CNKSR2: variants seen among roughly 807,000 people sequenced by gnomAD.
The protein encoded by CNKSR2 is CNK homolog protein 2.
Under a neutral mutation model 84.4 loss-of-function variants are expected in CNKSR2, and 14 were observed. The ratio of observed to expected loss-of-function variants is 0.17; its 90% confidence interval spans 0.11 to 0.26. The LOEUF (loss-of-function observed/expected upper bound fraction) is 0.26, where lower values mean the gene tolerates loss of function less well. Ranked by LOEUF, CNKSR2 falls within the 10% of genes least tolerant of loss-of-function variation. The pLI is 1.00. For missense variants in CNKSR2, 485 were observed against 771.2 expected (o/e 0.63, Z 4.40); for synonymous variants, 275 against 277.9 (o/e 0.99, Z 0.10).
chrX:21,608,989 C>A (rs1263419619), intron 19 of CNKSR2, 82 bp from the exon 20 acceptor site: 1 of 1,120,957 alleles, frequency 8.9e-7, no homozygotes. Context: ...TTAAATATTA[C>A]CTGGTAGAAA....
At chrX:21,456,927 T>A (rs770768162) in intron 4 of CNKSR2, among the ~76,000 whole-genome samples, 177 of 111,802 alleles carry the variant, frequency 1.6e-3, no homozygotes, top group African/African-American at 5.6e-3. Context: ...TGAGATGATA[T>A]CTCATTGTGG....
intron 10 of CNKSR2, among the ~76,000 whole-genome samples, chrX:21,528,098 A>C (rs1021523574): frequency 9.0e-6 from 1 of 111,225 alleles, no homozygotes; most frequent in African/African-American, 3.3e-5. Flanking sequence ...ATAACTTATA[A>C]GATATAGTTT....
At chrX:21,425,758 A>G (rs959747865) in intron 1 of CNKSR2, 5 of 111,637 alleles carry the variant, frequency 4.5e-5, no homozygotes, top group African/African-American at 1.3e-4. Flanking sequence ...AACCGCCTCA[A>G]TCTATAGCCT....
At chrX:21,495,498 A>C (rs1165140714) in intron 6 of CNKSR2, 4 of 109,900 alleles carry the variant, frequency 3.6e-5, no homozygotes, top group Non-Finnish European at 7.6e-5. Context: ...AAAAACTAAA[A>C]ATTGGCCAGG....
At chrX:21,608,316 G>C (rs183219490) in intron 19 of CNKSR2, among the ~76,000 whole-genome samples, 58 of 111,351 alleles carry the variant, frequency 5.2e-4, no homozygotes, top group Non-Finnish European at 9.8e-4. Context: ...CTAGAGTAAG[G>C]CTTGTGGCAG....
chrX:21,606,903 C>T, intron 19 of CNKSR2, 24 bp downstream of exon 19: 1 of 828,516 alleles, frequency 1.2e-6, no homozygotes. Context: ...AAGAACATTA[C>T]TTATCACCAG....
chrX:21,612,842 A>G (rs921329710), intron 20 of CNKSR2, among the ~76,000 whole-genome samples: 1 of 112,095 alleles, frequency 8.9e-6, no homozygotes, highest in Admixed American at 9.4e-5. Context: ...ACAGACTTCA[A>G]TCTGTGTTCT....
intron 11 of CNKSR2, among the ~76,000 whole-genome samples, chrX:21,548,614 A>G (rs1179285976): frequency 8.9e-6 from 1 of 111,781 alleles, no homozygotes; most frequent in African/African-American, 3.3e-5. Flanking sequence ...CAGAGACACA[A>G]CAAAAAAAGA....
At chrX:21,557,293 T>C (rs2092148364) in intron 11 of CNKSR2, among the ~76,000 whole-genome samples, 2 of 111,594 alleles carry the variant, frequency 1.8e-5, no homozygotes, top group African/African-American at 6.5e-5. Flanking sequence ...GTCTATATTC[T>C]TAAAATTGTA....
At chrX:21,409,272 ATATATAT>A (rs1399462517) in intron 1 of CNKSR2, among the ~76,000 whole-genome samples, 17 of 46,125 alleles carry the variant, frequency 3.7e-4, no homozygotes, top group African/African-American at 1.4e-3. Context: ...ATATATATAT[ATATATAT>A]GTCTGTCAGA....
rs906263338 is a variant in CNKSR2 at position 21,589,082 on chromosome X, T to C, written c.1609-1490T>C. ...ATGCTTTCTCTCAAAATTTGTGAAT[T>C]TCTATAACCATGCATGCTGCAAAGT... On this transcript the variant is annotated intron_variant, in intron 13 of 21. Transcript: ENST00000379510. Among the ~76,000 whole-genome samples the C allele has an allele frequency of 3.6e-4, 40 of 112,480 alleles. 1 individual carries two copies. The highest frequency in any genetic ancestry group is 1.3e-3 in the African/African-American group (39 of 31,055).
intron 7 of CNKSR2, among the ~76,000 whole-genome samples, chrX:21,499,594 G>C (rs1259823737): frequency 1.8e-5 from 2 of 110,942 alleles, no homozygotes; most frequent in Non-Finnish European, 3.8e-5. Flanking sequence ...TCTGGGAGTA[G>C]TTCAGATATG....
chrX:21,613,962 GAA>G (rs1053397566), intron 20 of CNKSR2, among the ~76,000 whole-genome samples: 1 of 105,972 alleles, frequency 9.4e-6, no homozygotes, highest in Admixed American at 1.0e-4. Flanking sequence ...AAGAAAGAAA[GAA>G]AAAAAATTAG....
chrX:21,499,600 A>G (rs1236608270), intron 7 of CNKSR2, among the ~76,000 whole-genome samples: 2 of 111,238 alleles, frequency 1.8e-5, no homozygotes, highest in Non-Finnish European at 3.8e-5. Flanking sequence ...AGTAGTTCAG[A>G]TATGAACCAT....
chrX:21,603,444 C>T (rs1265648869), intron 18 of CNKSR2, among the ~76,000 whole-genome samples: 4 of 112,110 alleles, frequency 3.6e-5, no homozygotes, highest in Non-Finnish European at 5.6e-5. Context: ...AAGCTTAATA[C>T]AAAATATAGC....
intron 20 of CNKSR2, chrX:21,641,723 A>G (rs904671417): frequency 4.2e-5 from 45 of 1,061,944 alleles, no homozygotes; most frequent in Non-Finnish European, 5.2e-5. Flanking sequence ...CTTGCTGTTT[A>G]TAACAGAAAA....
At chrX:21,486,685 A>G (rs1373508138) in intron 5 of CNKSR2, among the ~76,000 whole-genome samples, 2 of 112,307 alleles carry the variant, frequency 1.8e-5, no homozygotes, top group Non-Finnish European at 3.8e-5. Context: ...TTGTTGAATT[A>G]TAATAAAAGG....
chrX:21,449,832 C>T, intron 4 of CNKSR2, among the ~76,000 whole-genome samples: 1 of 111,886 alleles, frequency 8.9e-6, no homozygotes, highest in South Asian at 3.7e-4. Flanking sequence ...CACATCTACT[C>T]ACAATTCACT....
At chrX:21,526,749 G>A in intron 9 of CNKSR2, 118 bp from the exon 10 acceptor site, 1 of 659,444 alleles carries the variant, frequency 1.5e-6, no homozygotes, top group Non-Finnish European at 2.3e-6. Context: ...TTCAAAAACT[G>A]CAGAAATAGA....
Sources: allele counts gnomAD v4.1 joint callset (sites outside exome capture counted in the v4.1 genomes callset), GRCh38; gene constraint gnomAD v4.1.1; transcripts MANE v1.5; gene names NCBI Gene and HGNC (gene_info 2026-07-23, HGNC 2026-07-21).